TSPAN18: variants seen among roughly 807,000 people sequenced by gnomAD.
TSPAN18 encodes the protein tetraspanin 18.
A neutral mutation model predicts 27.3 loss-of-function variants in TSPAN18; 14 were observed. The ratio of observed to expected loss-of-function variants is 0.51; its 90% CI spans 0.34 to 0.80. TSPAN18 has a LOEUF of 0.80. Ranked by LOEUF, TSPAN18 falls within the 30% of genes least tolerant of loss-of-function variation. The probability of loss-of-function intolerance (pLI) is 0.01; values close to 1 mark genes in which losing one functional copy is unlikely to be tolerated. For missense variants in TSPAN18, 268 were observed against 323.9 expected (o/e 0.83, Z 1.32); for synonymous variants, 143 against 136.5 (o/e 1.05, Z -0.33).
intron 1 of TSPAN18, among the ~76,000 whole-genome samples, chr11:44,739,926 G>A (rs1342895829): frequency 6.6e-6 from 1 of 152,200 alleles, no homozygotes; most frequent in Non-Finnish European, 1.5e-5. Flanking sequence ...GGAGAGGCAT[G>A]TCCTTTTGGG....
chr11:44,846,674 TG>T (rs1283799689), intron 2 of TSPAN18, among the ~76,000 whole-genome samples: 1 of 152,052 alleles, frequency 6.6e-6, no homozygotes, highest in Non-Finnish European at 1.5e-5. Flanking sequence ...TGAGAGGAAG[TG>T]GAGTTGCATT....
chr11:44,731,190 A>G (rs1327424879), intron 1 of TSPAN18, among the ~76,000 whole-genome samples: 1 of 152,224 alleles, frequency 6.6e-6, no homozygotes, highest in African/African-American at 2.4e-5. Context: ...CTGGTGTTCC[A>G]GCCCTGATAC....
At chr11:44,738,629 G>A (rs977156124) in intron 1 of TSPAN18, among the ~76,000 whole-genome samples, 1 of 152,096 alleles carries the variant, frequency 6.6e-6, no homozygotes. Flanking sequence ...CTTTCTCACC[G>A]TGTCCTCGCA....
intron 3 of TSPAN18, among the ~76,000 whole-genome samples, chr11:44,867,716 A>G (rs1401929707): frequency 6.6e-6 from 1 of 152,082 alleles, no homozygotes; most frequent in African/African-American, 2.4e-5. Context: ...GTATGTTTTA[A>G]AAGGGGACAA....
chr11:44,819,011 G>C (rs1285958434), intron 2 of TSPAN18, among the ~76,000 whole-genome samples: 1 of 152,144 alleles, frequency 6.6e-6, no homozygotes, highest in Non-Finnish European at 1.5e-5. Flanking sequence ...CTGGCCATTT[G>C]CCTGTCTCCC....
chr11:44,890,626 G>A (rs1858813777), intron 3 of TSPAN18, among the ~76,000 whole-genome samples: 1 of 151,942 alleles, frequency 6.6e-6, no homozygotes, highest in East Asian at 1.9e-4. Context: ...GGGAGGCTGA[G>A]GCAGGAGAAT....
chr11:44,928,817 T>C (rs1405590862), intron 9 of TSPAN18, among the ~76,000 whole-genome samples: 1 of 152,024 alleles, frequency 6.6e-6, no homozygotes, highest in Admixed American at 6.5e-5. Context: ...GCCTGGCACA[T>C]GGCAAGCTCT....
chr11:44,807,888 C>T (rs1354601172), intron 2 of TSPAN18, among the ~76,000 whole-genome samples: 1 of 152,130 alleles, frequency 6.6e-6, no homozygotes, highest in East Asian at 1.9e-4. Flanking sequence ...TCCAGTGGGA[C>T]GGGAAGACAG....
intron 5 of TSPAN18, among the ~76,000 whole-genome samples, chr11:44,912,915 G>A (rs1356097195): frequency 6.8e-6 from 1 of 146,850 alleles, no homozygotes; most frequent in African/African-American, 2.5e-5. Flanking sequence ...GTGTGTGCAT[G>A]TGTGTTGTGT....
At position 44,814,925 on chromosome 11, in the gene TSPAN18, G is replaced by C. The variant is rs183511216; in HGVS notation, c.-152-45403G>C. ...GGAAGGGTGACAATGGGGGCTGCTT[G>C]GGTGTGTCCCTCTGATGGGAGAATA... On this transcript the variant is annotated intron_variant, in intron 2 of 9. Coordinates refer to ENST00000520358, the MANE Select transcript of TSPAN18 (RefSeq NM_130783.5). Among the ~76,000 whole-genome samples the C allele has an allele frequency of 4.7e-3, 720 of 152,342 alleles. 5 individuals are homozygous for C. The highest frequency in any genetic ancestry group is 6.0e-3 in the Non-Finnish European group (405 of 68,038).
At chr11:44,778,693 T>G (rs111559112) in intron 2 of TSPAN18, among the ~76,000 whole-genome samples, 27 of 152,310 alleles carry the variant, frequency 1.8e-4, no homozygotes, top group African/African-American at 6.0e-4. Flanking sequence ...CCATTAAGCG[T>G]GTGTGCACTT....
intron 2 of TSPAN18, among the ~76,000 whole-genome samples, chr11:44,819,535 C>T (rs2135117912): frequency 6.6e-6 from 1 of 152,306 alleles, no homozygotes; most frequent in East Asian, 1.9e-4. Flanking sequence ...ATGGTGCACA[C>T]TGGCAGCCTC....
At chr11:44,822,079 G>C (rs1590530901) in intron 2 of TSPAN18, among the ~76,000 whole-genome samples, 1 of 152,182 alleles carries the variant, frequency 6.6e-6, no homozygotes, top group Non-Finnish European at 1.5e-5. Flanking sequence ...AGGCCTGGCT[G>C]TGACAGGCAG....
At chr11:44,825,140 C>A (rs751295779) in intron 2 of TSPAN18, among the ~76,000 whole-genome samples, 1 of 149,746 alleles carries the variant, frequency 6.7e-6, no homozygotes, top group African/African-American at 2.4e-5. Flanking sequence ...GACCTGAGTG[C>A]TCCTGCTGAC....
At chr11:44,904,965 C>A (rs1272344192) in intron 3 of TSPAN18, among the ~76,000 whole-genome samples, 1 of 152,106 alleles carries the variant, frequency 6.6e-6, no homozygotes, top group African/African-American at 2.4e-5. Flanking sequence ...TACATACCTC[C>A]TTGGTGGTTA....
intron 1 of TSPAN18, among the ~76,000 whole-genome samples, chr11:44,728,113 C>G (rs982013397): frequency 6.6e-6 from 1 of 152,210 alleles, no homozygotes; most frequent in African/African-American, 2.4e-5. Context: ...AGACACCCAA[C>G]TTACGCGGGG....
At chr11:44,909,427 A>ATGTG in intron 4 of TSPAN18, 1 of 403,736 alleles carries the variant, frequency 2.5e-6, no homozygotes, top group Non-Finnish European at 4.4e-6. Context: ...AAAATTGGCA[A>ATGTG]ATAGCCTTTA....
At chr11:44,861,663 C>T (rs780293303) in intron 3 of TSPAN18, among the ~76,000 whole-genome samples, 10 of 151,692 alleles carry the variant, frequency 6.6e-5, no homozygotes, top group Non-Finnish European at 8.8e-5. Context: ...TGTTGGGAGT[C>T]GGGGGCGATG....
intron 1 of TSPAN18, chr11:44,736,416 T>C (rs1854795634): frequency 6.6e-6 from 1 of 152,252 alleles, no homozygotes; most frequent in Non-Finnish European, 1.5e-5. Context: ...TTTCTGGAGT[T>C]GCCTGCCAGC....
Sources: allele counts gnomAD v4.1 joint callset (sites outside exome capture counted in the v4.1 genomes callset), GRCh38; gene constraint gnomAD v4.1.1; transcripts MANE v1.5; gene names NCBI Gene and HGNC (gene_info 2026-07-23, HGNC 2026-07-21).